UBL3: variants seen among roughly 807,000 people sequenced by gnomAD.
UBL3 encodes ubiquitin-like protein 3.
UBL3 carries 6 observed loss-of-function variants against 18.4 expected under a neutral mutation model. The ratio of observed to expected loss-of-function variants is 0.33; its 90% CI spans 0.18 to 0.64. UBL3 has a LOEUF of 0.64. Ranked by LOEUF, UBL3 falls within the 30% of genes least tolerant of loss-of-function variation. UBL3 has a pLI of 0.76. For synonymous variants in UBL3, 49 were observed against 46.6 expected (o/e 1.05, Z -0.21); for missense variants, 109 against 142.9 (o/e 0.76, Z 1.21).
At chr13:29,801,088 C>A (rs922432987) in intron 1 of UBL3, among the ~76,000 whole-genome samples, 4 of 152,186 alleles carry the variant, frequency 2.6e-5, no homozygotes, top group Non-Finnish European at 5.9e-5. Context: ...CCAGAGACAA[C>A]CCACAGCCCC....
intron 1 of UBL3, among the ~76,000 whole-genome samples, chr13:29,842,134 C>CTTTTTTTTTTT (rs201006689): frequency 7.8e-6 from 1 of 128,028 alleles, no homozygotes; most frequent in Non-Finnish European, 1.6e-5. Context: ...CATTCTCTTT[C>CTTTTTTTTTTT]TTTTTTTTTT....
intron 1 of UBL3, among the ~76,000 whole-genome samples, chr13:29,800,032 G>C (rs1182770515): frequency 6.6e-6 from 1 of 152,078 alleles, no homozygotes; most frequent in African/African-American, 2.4e-5. Context: ...CTAGGGCAGG[G>C]AATAGGGGGA....
At chr13:29,829,389 CG>C (rs1878710891) in intron 1 of UBL3, among the ~76,000 whole-genome samples, 1 of 151,598 alleles carries the variant, frequency 6.6e-6, no homozygotes, top group Non-Finnish European at 1.5e-5. Flanking sequence ...TCAGCAATGG[CG>C]GGCGCCCCTC....
At chr13:29,841,376 T>TG (rs1276764853) in intron 1 of UBL3, among the ~76,000 whole-genome samples, 4 of 152,158 alleles carry the variant, frequency 2.6e-5, no homozygotes, top group Non-Finnish European at 5.9e-5. Context: ...TTGTTACATA[T>TG]ATATATAAAG....
In UBL3 at chr13:29,846,369, G is replaced by A. The variant is rs148710569; in HGVS notation, c.27+3143C>T. Among the ~76,000 whole-genome samples the A allele has an allele frequency of 4.2e-3, 632 of 152,144 alleles. 6 individuals are homozygous for A. Among genetic ancestry groups the A allele is most frequent in the African/African-American group, 0.014 (583 of 41,542 alleles). ...TAGGACATATATATTGCAGAATGTA[G>A]TAAAAGTACCAACTACAAATTATGT... is the stretch of plus-strand genomic sequence containing the variant. On this transcript the variant is annotated intron_variant, in intron 1 of 4. Transcript: ENST00000380680.
chr13:29,767,727 C>T lies in UBL3; in HGVS notation c.224-32G>A, dbSNP rs973015303. The T allele has an allele frequency of 1.7e-5, 26 of 1,572,976 alleles. No individual in the cohort carries two copies. In the Admixed American group the frequency reaches 3.9e-4, roughly 24 times the overall value. ...GAAAAGCAAAAGATGATTAGTTACACATATATCGACCTATTAAAATCACTA... is the reference window on the plus strand; with the variant it reads ...GAAAAGCAAAAGATGATTAGTTACATATATATCGACCTATTAAAATCACTA... On this transcript the variant is annotated intron_variant, in intron 3 of 4. Coordinates refer to ENST00000380680, the MANE Select transcript of UBL3 (RefSeq NM_007106.4).
intron 2 of UBL3, among the ~76,000 whole-genome samples, chr13:29,773,318 T>A (rs1344729929): frequency 1.3e-5 from 2 of 152,118 alleles, no homozygotes; most frequent in Non-Finnish European, 2.9e-5. Context: ...CCCCGCTCCA[T>A]GCCTTTAGTC....
Position 29,767,141 on chromosome 13 carries a change from C to T in UBL3, c.*114G>A. The T allele has an allele frequency of 2.0e-6, 2 of 1,022,970 alleles. No individual in the cohort carries two copies. Among genetic ancestry groups the T allele is most frequent in the Non-Finnish European group, 2.9e-6 (2 of 691,254 alleles). 63.4% of individuals were successfully genotyped at this position (1,022,970 alleles called of 1,614,324 possible). On this transcript the variant is annotated 3_prime_UTR_variant, in exon 5 of 5. Coordinates refer to ENST00000380680, the MANE Select transcript of UBL3 (RefSeq NM_007106.4). ...ACAGTGTTCATGTGGTAATTCAGTT[C>T]CATGTGTTTACAGGCAGACTGTTCT...
At chr13:29,816,595 CA>C (rs1317785183) in intron 1 of UBL3, among the ~76,000 whole-genome samples, 34 of 142,256 alleles carry the variant, frequency 2.4e-4, no homozygotes, top group Middle Eastern at 3.6e-3. Context: ...TTTGTATCTA[CA>C]AAAAAAAAAA....
In UBL3 at chr13:29,772,291, G is replaced by C; in HGVS notation, c.137-93C>G. ...TAAAAATTCAGATCCAAATCAGTTA[G>C]AGTACAAAGAAGGCCCTTGGAGCTT... On this transcript the variant is annotated intron_variant, in intron 2 of 4. Transcript: ENST00000380680. 2.9e-6 allele frequency: 3 copies of C among 1,034,608 alleles called. No individual in the cohort carries two copies. In the South Asian group the frequency reaches 5.2e-5, roughly 18 times the overall value. The allele number at this position is 1,034,608 out of a possible 1,614,324, so 64.1% of individuals were successfully genotyped here. A position where few individuals can be genotyped will look rare whatever the true frequency, so the allele number is the denominator to read the frequency against.
chr13:29,830,836 G>A lies in UBL3; in HGVS notation c.27+18676C>T, dbSNP rs541337064. Among the ~76,000 whole-genome samples, 44 of 152,272 alleles carry A rather than the reference G, an allele frequency of 2.9e-4. No homozygotes were observed. The Middle Eastern group carries it at 0.01, about 35-fold the overall frequency. On this transcript the variant is annotated intron_variant, in intron 1 of 4. Coordinates refer to ENST00000380680, the MANE Select transcript of UBL3 (RefSeq NM_007106.4). ...GAATCCTTCTATGCCTAGCATATCA[G>A]TATGGAAGAAAACTACAAGAATTAT...
intron 3 of UBL3, among the ~76,000 whole-genome samples, chr13:29,770,848 A>C (rs1876822889): frequency 6.6e-6 from 1 of 152,010 alleles, no homozygotes; most frequent in Admixed American, 6.6e-5. Flanking sequence ...AAATCAAAAA[A>C]GCTCCATTTT....
chr13:29,847,418 C>T (rs1464519911), intron 1 of UBL3, among the ~76,000 whole-genome samples: 4 of 152,174 alleles, frequency 2.6e-5, no homozygotes, highest in African/African-American at 7.2e-5. Flanking sequence ...GCCTTAACAT[C>T]CAGTCTCAAA....
intron 1 of UBL3, among the ~76,000 whole-genome samples, chr13:29,839,705 A>G (rs1447483544): frequency 6.6e-6 from 1 of 152,152 alleles, no homozygotes; most frequent in African/African-American, 2.4e-5. Context: ...AGGCGGGAGG[A>G]TCACGAGGTC....
intron 1 of UBL3, among the ~76,000 whole-genome samples, chr13:29,818,804 C>T (rs1383764793): frequency 6.6e-6 from 1 of 152,172 alleles, no homozygotes; most frequent in Non-Finnish European, 1.5e-5. Context: ...CCCATGCGTT[C>T]TCCCCTTCAC....
At chr13:29,800,043 T>A (rs903936602) in intron 1 of UBL3, among the ~76,000 whole-genome samples, 2 of 152,198 alleles carry the variant, frequency 1.3e-5, no homozygotes, top group Non-Finnish European at 2.9e-5. Context: ...AATAGGGGGA[T>A]GACTATACTA....
rs386378666 is a variant in UBL3, at chr13:29,780,424, T to TTATA, written c.28-3165_28-3162dup. Reference sequence around the variant, plus strand: ...TGTGTGTGTATATATATATAATAAGTTATATATATATATATAGCAAATAAG... The same window carrying TTATA: ...TGTGTGTGTATATATATATAATAAGTTATATATATATATATATATAGCAAATAAG... On this transcript the variant is annotated intron_variant, in intron 1 of 4. Transcript: ENST00000380680. Among the ~76,000 whole-genome samples, 724 of 125,174 alleles carry TTATA rather than the reference T, an allele frequency of 5.8e-3. 10 individuals carry two copies. Among genetic ancestry groups the TTATA allele is most frequent in the African/African-American group, 0.019 (690 of 36,146 alleles). 82.1% of individuals were successfully genotyped at this position (125,174 alleles called of 152,430 possible). A position where few individuals can be genotyped will look rare whatever the true frequency, so the allele number is the denominator to read the frequency against.
At chr13:29,842,904 T>A (rs1879140819) in intron 1 of UBL3, among the ~76,000 whole-genome samples, 1 of 152,204 alleles carries the variant, frequency 6.6e-6, no homozygotes, top group South Asian at 2.1e-4. Flanking sequence ...TACTGTGAGG[T>A]AACTCCTAAA....
chr13:29,801,033 C>A lies in UBL3; in HGVS notation c.28-23770G>T, dbSNP rs12872675. On this transcript the variant is annotated intron_variant, in intron 1 of 4. Coordinates refer to ENST00000380680, the MANE Select transcript of UBL3 (RefSeq NM_007106.4). ...CCCCAGCACATCCACCCTGCCCCTACCCGAACACCAGTGGGTGGCAGCTCT... is the reference window on the plus strand; with the variant it reads ...CCCCAGCACATCCACCCTGCCCCTAACCGAACACCAGTGGGTGGCAGCTCT... Among the ~76,000 whole-genome samples the A allele has an allele frequency of 4.4e-4, 67 of 152,322 alleles. 2 individuals are homozygous for A. The highest frequency in any genetic ancestry group is 1.5e-3 in the African/African-American group (62 of 41,566).
Sources: allele counts gnomAD v4.1 joint callset (sites outside exome capture counted in the v4.1 genomes callset), GRCh38; gene constraint gnomAD v4.1.1; transcripts MANE v1.5; gene names NCBI Gene and HGNC (gene_info 2026-07-23, HGNC 2026-07-21).